Variants in AGBL1 observed in about 807,000 individuals in gnomAD.
The protein encoded by AGBL1 is cytosolic carboxypeptidase 4.
AGBL1 carries 130 observed loss-of-function variants against 118.9 expected under a neutral mutation model. That is an observed-to-expected ratio of 1.09 (90% CI 0.95 to 1.26). The LOEUF is 1.26. Ranked by LOEUF, AGBL1 falls within the 50% of genes most tolerant of loss-of-function variation. The probability of loss-of-function intolerance (pLI) is 0.00; values close to 1 mark genes in which losing one functional copy is unlikely to be tolerated. For synonymous variants in AGBL1, 555 were observed against 478.9 expected (o/e 1.16, Z -2.08); for missense variants, 1,584 against 1,298.1 (o/e 1.22, Z -3.38).
intron 17 of AGBL1, among the ~76,000 whole-genome samples, chr15:86,389,986 C>G (rs932895843): frequency 1.4e-4 from 21 of 151,966 alleles, no homozygotes; most frequent in African/African-American, 5.1e-4. Context: ...CAGTGCTAGA[C>G]TAAATAAAAT....
At chr15:86,853,724 G>T (rs567251045) in intron 22 of AGBL1, among the ~76,000 whole-genome samples, 2 of 152,244 alleles carry the variant, frequency 1.3e-5, no homozygotes, top group African/African-American at 2.4e-5. Flanking sequence ...GCTACATCTA[G>T]TTTTAAAACA....
intron 23 of AGBL1, among the ~76,000 whole-genome samples, chr15:86,986,264 T>A (rs2081281445): frequency 6.6e-6 from 1 of 152,166 alleles, no homozygotes; most frequent in Non-Finnish European, 1.5e-5. Flanking sequence ...AAGAATTAAA[T>A]TTAAAAAAGT....
intron 5 of AGBL1, among the ~76,000 whole-genome samples, chr15:86,195,559 T>C (rs1035234627): frequency 3.3e-5 from 5 of 152,188 alleles, no homozygotes; most frequent in African/African-American, 1.2e-4. Flanking sequence ...CTATTACAGC[T>C]TCTTAAAAGT....
chr15:86,633,937 A>G (rs534453047), intron 21 of AGBL1, among the ~76,000 whole-genome samples: 1 of 150,206 alleles, frequency 6.7e-6, no homozygotes, highest in South Asian at 2.1e-4. Context: ...CCACACATAA[A>G]GTGAGGTGAA....
chr15:86,211,101 C>G (rs1375297515), intron 5 of AGBL1, among the ~76,000 whole-genome samples: 1 of 152,180 alleles, frequency 6.6e-6, no homozygotes, highest in Non-Finnish European at 1.5e-5. Flanking sequence ...TTGGAGTTTG[C>G]TGGAGGTCCA....
rs550403071 is a variant in AGBL1 at position 86,307,709 on chromosome 15, C to T, written c.2374+12301C>T. On this transcript the variant is annotated intron_variant, in intron 17 of 22. Coordinates refer to ENST00000614907, the MANE Select transcript of AGBL1 (RefSeq NM_001386094.1). ...TTGGGCCTAGGAGTTTGAGTCTAGT[C>T]TGGACAGTATAGTGAGACCCTGTCT... 5.3e-5 allele frequency among the ~76,000 whole-genome samples: 8 copies of T among 151,954 alleles called. No individual in the cohort carries two copies. In the East Asian group the frequency reaches 1.5e-3, roughly 29 times the overall value.
chr15:86,231,467 T>TCA (rs2078453697), intron 6 of AGBL1, among the ~76,000 whole-genome samples: 1 of 152,248 alleles, frequency 6.6e-6, no homozygotes, highest in Non-Finnish European at 1.5e-5. Flanking sequence ...AAAAATTTGC[T>TCA]TCAAATAATA....
At chr15:86,268,417 A>G (rs1440895673) in intron 13 of AGBL1, among the ~76,000 whole-genome samples, 2 of 152,170 alleles carry the variant, frequency 1.3e-5, no homozygotes, top group African/African-American at 2.4e-5. Context: ...CAAAGGATCC[A>G]GGAAAGGAGA....
chr15:86,471,414 G>T (rs1158263407), intron 18 of AGBL1, among the ~76,000 whole-genome samples: 17 of 151,482 alleles, frequency 1.1e-4, no homozygotes, highest in Admixed American at 1.1e-3. Flanking sequence ...CTCAGTGTTT[G>T]ACTGTTTCAA....
intron 21 of AGBL1, among the ~76,000 whole-genome samples, chr15:86,652,226 T>G (rs1049248040): frequency 6.6e-6 from 1 of 152,186 alleles, no homozygotes; most frequent in Admixed American, 6.6e-5. Flanking sequence ...GTTCTCCTCA[T>G]GTTCTCTTTC....
intron 23 of AGBL1, among the ~76,000 whole-genome samples, chr15:86,968,742 G>T (rs1332079312): frequency 2.6e-5 from 4 of 151,844 alleles, no homozygotes; most frequent in Non-Finnish European, 4.4e-5. Flanking sequence ...CTTAGACTAG[G>T]TAATTTATAC....
chr15:86,746,643 A>G (rs539088257), intron 22 of AGBL1, among the ~76,000 whole-genome samples: 1 of 152,190 alleles, frequency 6.6e-6, no homozygotes, highest in South Asian at 2.1e-4. Flanking sequence ...TAGGTACCAA[A>G]CAAATATTTC....
intron 21 of AGBL1, among the ~76,000 whole-genome samples, chr15:86,562,051 T>G (rs1358084142): frequency 1.3e-5 from 2 of 152,230 alleles, no homozygotes; most frequent in Non-Finnish European, 2.9e-5. Context: ...AAGGAGATTT[T>G]GGGCTGAAAC....
intron 22 of AGBL1, among the ~76,000 whole-genome samples, chr15:86,724,355 G>T (rs1008128243): frequency 6.6e-6 from 1 of 152,032 alleles, no homozygotes; most frequent in Non-Finnish European, 1.5e-5. Context: ...AATGTTGGAG[G>T]GGCTACCGGT....
At chr15:86,370,240 CTTGGAGTGAGGAT>C (rs1301507963) in intron 17 of AGBL1, among the ~76,000 whole-genome samples, 1 of 151,156 alleles carries the variant, frequency 6.6e-6, no homozygotes, top group Non-Finnish European at 1.5e-5. Flanking sequence ...AATCATGTGT[CTTGGAGTGAGGAT>C]TTACATCTGC....
intron 19 of AGBL1, among the ~76,000 whole-genome samples, chr15:86,544,899 T>C (rs1218869510): frequency 6.6e-6 from 1 of 152,204 alleles, no homozygotes; most frequent in East Asian, 1.9e-4. Flanking sequence ...TGTGGTCTTT[T>C]TTAGATTTTA....
At chr15:87,008,842 G>C (rs1457884788) in intron 24 of AGBL1, among the ~76,000 whole-genome samples, 7 of 152,156 alleles carry the variant, frequency 4.6e-5, no homozygotes, top group Non-Finnish European at 7.4e-5. Flanking sequence ...GAGATTTGTG[G>C]AACACTGAAC....
At chr15:86,143,622 T>C (rs1030175248) in intron 2 of AGBL1, 77 bp from the exon 3 acceptor site, 1 of 1,530,212 alleles carries the variant, frequency 6.5e-7, no homozygotes, top group South Asian at 1.2e-5. Context: ...CTGTCTCTAG[T>C]TGGGAGGTCT....
intron 18 of AGBL1, among the ~76,000 whole-genome samples, chr15:86,520,858 A>C (rs12591257): frequency 0.03 from 4,548 of 152,300 alleles, 100 homozygotes; most frequent in East Asian, 0.072. Context: ...TCATTTAAAC[A>C]CAGCAAATGT....
Sources: gnomAD v4.1 joint callset for allele counts (sites outside exome capture counted in the v4.1 genomes callset) on GRCh38, gnomAD v4.1.1 for gene constraint, MANE v1.5 for transcripts, NCBI Gene and HGNC (gene_info 2026-07-23, HGNC 2026-07-21) for gene names.